RNF212: variants seen among roughly 807,000 people sequenced by gnomAD.
RNF212 encodes probable E3 SUMO-protein ligase RNF212.
Under a neutral mutation model 34.7 loss-of-function variants are expected in RNF212, and 33 were observed. The observed-to-expected ratio is 0.95, with a 90% CI of 0.72 to 1.27. The LOEUF is 1.27. Ranked by LOEUF, RNF212 falls within the 50% of genes most tolerant of loss-of-function variation. The pLI, the probability that RNF212 is intolerant of heterozygous loss-of-function variation, is 0.00. For synonymous variants in RNF212, 140 were observed against 136.1 expected, an observed-to-expected ratio of 1.03 and a Z score of -0.20; for missense variants, 377 against 362.2, an observed-to-expected ratio of 1.04 and a Z score of -0.33.
chr4:1,066,820 AT>A (rs575447014), downstream of RNF212, among the ~76,000 whole-genome samples: 2,307 of 147,738 alleles, frequency 0.016, 58 homozygotes, highest in African/African-American at 0.053. Context: ...AATTTGTTTA[AT>A]TTTTTTTTTT....
chr4:1,065,572 A>T (rs972924458), intron 3 of RNF212, among the ~76,000 whole-genome samples: 6 of 151,918 alleles, frequency 3.9e-5, no homozygotes, highest in Non-Finnish European at 8.8e-5. Flanking sequence ...GGTTCAGGCA[A>T]TTCTCCCACC....
At chr4:1,094,886 A>G (rs1030138543) in intron 3 of RNF212, among the ~76,000 whole-genome samples, 33 of 152,230 alleles carry the variant, frequency 2.2e-4, no homozygotes, top group Admixed American at 2.0e-3. Flanking sequence ...ACCAAAAGCA[A>G]AAACAATAAA....
chr4:1,085,046 G>T (rs550529227), intron 5 of RNF212, among the ~76,000 whole-genome samples: 3 of 152,232 alleles, frequency 2.0e-5, no homozygotes, highest in Non-Finnish European at 2.9e-5. Context: ...CTGCACACAC[G>T]CTGGAGGCTC....
At chr4:1,112,327 A>G (rs1215555581) in intron 1 of RNF212, among the ~76,000 whole-genome samples, 2 of 152,082 alleles carry the variant, frequency 1.3e-5, no homozygotes, top group Non-Finnish European at 2.9e-5. Flanking sequence ...TCTAAGGCCA[A>G]CTCCGAGGAT....
Position 1,071,979 on chromosome 4 carries a change from C to T in RNF212, c.*895G>A, listed in dbSNP as rs1718543353. The T allele has an allele frequency of 6.6e-6, 1 of 152,238 alleles. No individual in the cohort carries two copies. Among genetic ancestry groups the T allele is most frequent in the Non-Finnish European group, 1.5e-5 (1 of 68,048 alleles). The allele number at this position is 152,238 out of a possible 1,614,324, so 9.4% of individuals were successfully genotyped here. The stretch of plus-strand genomic sequence containing the variant: ...AACCCTGGCACATGGACATCTATAG[C>T]AGCTTAATTCATAATTGCCAAAACT... On this transcript the variant is annotated 3_prime_UTR_variant, in exon 10 of 10. Coordinates refer to ENST00000433731, the MANE Select transcript of RNF212 (RefSeq NM_001131034.4).
intron 1 of RNF212, among the ~76,000 whole-genome samples, chr4:1,108,980 C>T (rs1725243224): frequency 1.3e-5 from 2 of 150,688 alleles, no homozygotes; most frequent in African/African-American, 2.4e-5. Flanking sequence ...GGATTGTAGG[C>T]GTGAGCCACT....
At chr4:1,084,010 A>G (rs1026960294) in intron 5 of RNF212, among the ~76,000 whole-genome samples, 9 of 145,096 alleles carry the variant, frequency 6.2e-5, no homozygotes, top group Non-Finnish European at 1.0e-4. Context: ...GTGCAATGGC[A>G]TGATCTTGGC....
At chr4:1,085,831 AGAC>A in intron 5 of RNF212, 62 bp downstream of exon 5, 1 of 1,071,462 alleles carries the variant, frequency 9.3e-7, no homozygotes, top group South Asian at 1.2e-5. Context: ...TTGGAGAGCC[AGAC>A]GACCAATGCA....
intron 1 of RNF212, among the ~76,000 whole-genome samples, chr4:1,109,760 C>T (rs962752611): frequency 2.0e-5 from 3 of 152,114 alleles, no homozygotes; most frequent in Admixed American, 6.5e-5. Context: ...CAACCCACTT[C>T]ACGCTACCTC....
At chr4:1,107,462 T>C (rs926394567) in intron 2 of RNF212, 1 of 151,794 alleles carries the variant, frequency 6.6e-6, no homozygotes, top group East Asian at 1.9e-4. Context: ...CTTACACTTT[T>C]TTTTTTTTTT....
intron 4 of RNF212, among the ~76,000 whole-genome samples, chr4:1,057,623 A>C (rs563602264): frequency 6.6e-6 from 1 of 152,086 alleles, no homozygotes; most frequent in Admixed American, 6.6e-5. Flanking sequence ...TGCCCCAAAA[A>C]CCAAACATAT....
intron 2 of RNF212, among the ~76,000 whole-genome samples, chr4:1,105,300 GT>G (rs33987054): frequency 0.81 from 123,188 of 152,068 alleles, 51,542 homozygotes; most frequent in East Asian, 1. Flanking sequence ...GCTCACCGGA[GT>G]CTCCCTTCCT....
At chr4:1,079,343 GAAC>G (rs1250165571) in intron 8 of RNF212, among the ~76,000 whole-genome samples, 1 of 152,144 alleles carries the variant, frequency 6.6e-6, no homozygotes, top group Non-Finnish European at 1.5e-5. Flanking sequence ...ACCTGTACGG[GAAC>G]AACACAGGAA....
intron 5 of RNF212, among the ~76,000 whole-genome samples, chr4:1,084,231 G>A (rs1402005257): frequency 2.6e-5 from 4 of 152,132 alleles, no homozygotes; most frequent in Non-Finnish European, 4.4e-5. Flanking sequence ...GATTACAGGC[G>A]TGAGCCACTG....
intron 4 of RNF212, among the ~76,000 whole-genome samples, chr4:1,086,228 G>A (rs1721139790): frequency 6.6e-6 from 1 of 152,156 alleles, no homozygotes; most frequent in Admixed American, 6.5e-5. Flanking sequence ...TTCAGTGTCA[G>A]CCCTTCCAGG....
chr4:1,057,617 C>A (rs1717420432), intron 4 of RNF212, among the ~76,000 whole-genome samples: 1 of 152,174 alleles, frequency 6.6e-6, no homozygotes, highest in Admixed American at 6.5e-5. Context: ...AGCAGCTGCC[C>A]CAAAAACCAA....
chr4:1,057,012 AT>A lies in RNF212; in HGVS notation n.221-510del, dbSNP rs1338849319. 3 of 986,804 alleles carry A rather than the reference AT, an allele frequency of 3.0e-6. No individual in the cohort carries two copies. In the East Asian group the frequency reaches 3.4e-4, roughly 112 times the overall value. The allele number at this position is 986,804 out of a possible 1,614,324, so 61.1% of individuals were successfully genotyped here. A position where few individuals can be genotyped will look rare whatever the true frequency, so the allele number is the denominator to read the frequency against. ...ATTTGCAGAGGTGGAATCCTAATAA[AT>A]TCAAGAAACACAACATCATGAATGC... On this transcript the variant is annotated intron_variant and non_coding_transcript_variant, in intron 4 of 4. Coordinates refer to the RNF212 transcript ENST00000503206.
chr4:1,108,342 C>T lies in RNF212; in HGVS notation c.171+1G>A. 1 of 1,500,906 alleles carries T rather than the reference C, an allele frequency of 6.7e-7. No individual in the cohort carries two copies. Among genetic ancestry groups the T allele is most frequent in the Non-Finnish European group, 8.8e-7 (1 of 1,130,436 alleles). 93.0% of individuals were successfully genotyped at this position (1,500,906 alleles called of 1,614,324 possible). A position where few individuals can be genotyped will look rare whatever the true frequency, so the allele number is the denominator to read the frequency against. ...TGCAGATACGACACATTTCAACTTA[C>T]ATGCTTTGAAAGCAAAACTGTACGA... On this transcript the variant is annotated splice_donor_variant, in intron 2 of 9. Coordinates refer to ENST00000433731, the MANE Select transcript of RNF212 (RefSeq NM_001131034.4). LOFTEE classifies it high-confidence loss of function.
In RNF212 at chr4:1,072,554, T is replaced by C; in HGVS notation, c.*320A>G. ...CTTCCTTTCAATTTTTCTGTGAACC[T>C]AAAACTGCTCTAAGAAAAAGTTTTA... On this transcript the variant is annotated 3_prime_UTR_variant, in exon 10 of 10. Coordinates refer to ENST00000433731, the MANE Select transcript of RNF212 (RefSeq NM_001131034.4). 1 of 580,200 alleles carries C rather than the reference T, an allele frequency of 1.7e-6. No individual in the cohort carries two copies. Among genetic ancestry groups the C allele is most frequent in the Non-Finnish European group, 2.3e-6 (1 of 434,342 alleles). The allele number at this position is 580,200 out of a possible 1,614,324, so 35.9% of individuals were successfully genotyped here.
Sources: gnomAD v4.1 joint callset for allele counts (sites outside exome capture counted in the v4.1 genomes callset) on GRCh38, gnomAD v4.1.1 for gene constraint, MANE v1.5 for transcripts, NCBI Gene and HGNC (gene_info 2026-07-23, HGNC 2026-07-21) for gene names.